The following GMDS variants were observed in gnomAD, a reference collection of about 807,000 sequenced individuals.
GMDS encodes GDP-mannose 4,6 dehydratase.
A neutral mutation model predicts 49.9 loss-of-function variants in GMDS; 20 were observed. The observed-to-expected ratio is 0.40, with a 90% CI of 0.28 to 0.58. The LOEUF (loss-of-function observed/expected upper bound fraction) is 0.58. Ranked by LOEUF, GMDS falls within the 20% of genes least tolerant of loss-of-function variation. GMDS has a pLI of 0.42. For synonymous variants in GMDS, 177 were observed against 178.6 expected (o/e 0.99, Z 0.07); for missense variants, 362 against 481.4 (o/e 0.75, Z 2.32).
At chr6:2,036,110 C>G (rs910327548) in intron 4 of GMDS, among the ~76,000 whole-genome samples, 1 of 152,174 alleles carries the variant, frequency 6.6e-6, no homozygotes, top group Non-Finnish European at 1.5e-5. Flanking sequence ...TCTCCTTTCA[C>G]CTAACTTTAA....
chr6:2,115,834 C>T lies in GMDS; in HGVS notation c.282G>A (p.Val94=). 6.2e-7 allele frequency: 1 copy of T among 1,610,814 alleles called. No individual in the cohort carries two copies. Among genetic ancestry groups the T allele is most frequent in the Non-Finnish European group, 8.5e-7 (1 of 1,177,198 alleles). Residue 94 remains valine, a synonymous_variant, in exon 4 of 11, where the codon GTG becomes GTA. Coordinates refer to ENST00000380815, the MANE Select transcript of GMDS (RefSeq NM_001500.4). ...YGDLTDSTCL[V]KIINEVKPTE... ...TGGGCTTTACTTCATTAATGATCTT[C>T]ACAAGGCAGGTACTGTCAGTGAGAT...
chr6:2,106,155 G>C (rs1001357865), intron 4 of GMDS, among the ~76,000 whole-genome samples: 1 of 152,010 alleles, frequency 6.6e-6, no homozygotes, highest in Non-Finnish European at 1.5e-5. Context: ...ACTCATCTTC[G>C]ATCTTAGACA....
chr6:2,083,547 A>G (rs1386702537), intron 4 of GMDS, among the ~76,000 whole-genome samples: 1 of 152,228 alleles, frequency 6.6e-6, no homozygotes, highest in Non-Finnish European at 1.5e-5. Context: ...CACACTGAAT[A>G]CAGAATACAG....
At chr6:2,031,637 T>C (rs1287093979) in intron 4 of GMDS, among the ~76,000 whole-genome samples, 1 of 152,050 alleles carries the variant, frequency 6.6e-6, no homozygotes, top group Non-Finnish European at 1.5e-5. Flanking sequence ...TATGAGGACA[T>C]CTGGGGAAAG....
intron 7 of GMDS, among the ~76,000 whole-genome samples, chr6:1,817,580 G>A (rs760326955): frequency 6.6e-6 from 1 of 152,084 alleles, no homozygotes; most frequent in Admixed American, 6.5e-5. Context: ...TTTATAACAT[G>A]GGTCACTGAA....
At chr6:2,145,840 A>G (rs1027646609) in intron 1 of GMDS, among the ~76,000 whole-genome samples, 4 of 152,248 alleles carry the variant, frequency 2.6e-5, no homozygotes, top group African/African-American at 9.6e-5. Context: ...CAGCCTGGCT[A>G]CATAGCGACA....
chr6:1,832,334 A>G (rs922483025), intron 7 of GMDS, among the ~76,000 whole-genome samples: 13 of 152,106 alleles, frequency 8.5e-5, no homozygotes, highest in Middle Eastern at 6.8e-3. Flanking sequence ...TTGAGGTTGC[A>G]GTGAGTTATG....
chr6:1,901,052 A>G (rs570473512), intron 7 of GMDS, among the ~76,000 whole-genome samples: 5 of 152,364 alleles, frequency 3.3e-5, no homozygotes, highest in Non-Finnish European at 7.3e-5. Flanking sequence ...TCCACGTCAG[A>G]GAACGGCGAA....
intron 7 of GMDS, among the ~76,000 whole-genome samples, chr6:1,808,523 C>G (rs1770276048): frequency 6.6e-6 from 1 of 152,136 alleles, no homozygotes; most frequent in African/African-American, 2.4e-5. Flanking sequence ...ATGGAATTTT[C>G]TTATTGATCA....
chr6:2,197,724 A>C lies in GMDS; in HGVS notation c.102+47597T>G, dbSNP rs12174775. Among the ~76,000 whole-genome samples, 14 of 152,226 alleles carry C rather than the reference A, an allele frequency of 9.2e-5. No homozygotes were observed. The South Asian group carries it at 1.7e-3, about 18-fold the overall frequency. ...GGATAATATGGCTTTAATTTTCCAC[A>C]CTTCCTAATTCTGGGTGCTAACAGG... On this transcript the variant is annotated intron_variant, in intron 1 of 10. Coordinates refer to ENST00000380815, the MANE Select transcript of GMDS (RefSeq NM_001500.4).
intron 4 of GMDS, among the ~76,000 whole-genome samples, chr6:2,035,002 T>C (rs1769208670): frequency 6.6e-6 from 1 of 152,126 alleles, no homozygotes. Context: ...ATGGAACTGC[T>C]ACACCATCTC....
chr6:1,644,726 C>T (rs945173777), intron 9 of GMDS, among the ~76,000 whole-genome samples: 5 of 152,120 alleles, frequency 3.3e-5, no homozygotes, highest in Non-Finnish European at 5.9e-5. Flanking sequence ...ACCACAGAGC[C>T]AGGGTTCACG....
At chr6:2,166,767 C>T (rs1023025678) in intron 1 of GMDS, among the ~76,000 whole-genome samples, 3 of 152,210 alleles carry the variant, frequency 2.0e-5, no homozygotes, top group African/African-American at 7.2e-5. Context: ...AGTTTCTTCA[C>T]CTGCAAAAAA....
At chr6:1,751,299 T>A (rs1234051950) in intron 7 of GMDS, among the ~76,000 whole-genome samples, 1 of 152,162 alleles carries the variant, frequency 6.6e-6, no homozygotes, top group Non-Finnish European at 1.5e-5. Flanking sequence ...TAGCAGGGGT[T>A]GACAGACACC....
chr6:1,915,456 C>T lies in GMDS; in HGVS notation c.771+14647G>A, dbSNP rs569660533. Among the ~76,000 whole-genome samples the T allele has an allele frequency of 6.6e-5, 10 of 152,302 alleles. No individual in the cohort carries two copies. The South Asian group carries it at 2.1e-3, about 32-fold the overall frequency. On this transcript the variant is annotated intron_variant, in intron 7 of 10. Coordinates refer to ENST00000380815, the MANE Select transcript of GMDS (RefSeq NM_001500.4). The stretch of plus-strand genomic sequence containing the variant: ...GCAAGCAGCAGGGGCAGCCCAGGGC[C>T]GGCACGGTGCAGGGCCAGCAGCTCC...
intron 1 of GMDS, among the ~76,000 whole-genome samples, chr6:2,125,141 A>C (rs998598095): frequency 6.6e-6 from 1 of 152,198 alleles, no homozygotes; most frequent in African/African-American, 2.4e-5. Context: ...GGGGTCATTA[A>C]ACAAGATCAC....
At chr6:1,906,610 CAA>C (rs1760787871) in intron 7 of GMDS, among the ~76,000 whole-genome samples, 1 of 152,138 alleles carries the variant, frequency 6.6e-6, no homozygotes, top group Non-Finnish European at 1.5e-5. Flanking sequence ...AAGAAATTCT[CAA>C]GAGGTTAGTG....
chr6:1,870,161 C>T (rs1758656171), intron 7 of GMDS, among the ~76,000 whole-genome samples: 1 of 152,198 alleles, frequency 6.6e-6, no homozygotes, highest in Non-Finnish European at 1.5e-5. Context: ...ATTCAGTGGC[C>T]CTTTAATGTC....
intron 9 of GMDS, among the ~76,000 whole-genome samples, chr6:1,722,274 AGATGGG>A (rs1766414619): frequency 1.7e-5 from 1 of 59,970 alleles, no homozygotes; most frequent in Admixed American, 1.8e-4. Context: ...TTTTTAGTAG[AGATGGG>A]GTTTCTCCAT....
Sources: gnomAD v4.1 joint callset for allele counts (sites outside exome capture counted in the v4.1 genomes callset) on GRCh38, gnomAD v4.1.1 for gene constraint, MANE v1.5 for transcripts, NCBI Gene and HGNC (gene_info 2026-07-23, HGNC 2026-07-21) for gene names.